TENM2: variants seen among roughly 807,000 people sequenced by gnomAD.
TENM2 encodes teneurin-2.
In TENM2, 52 loss-of-function variants were observed where a neutral mutation model predicts 245.2. The ratio of observed to expected loss-of-function variants is 0.21; its 90% CI spans 0.17 to 0.27. The LOEUF (loss-of-function observed/expected upper bound fraction) is 0.27, where lower values mean the gene tolerates loss of function less well. Among genes scored for constraint, TENM2 ranks in the 10% least tolerant of loss-of-function variants. The pLI is 1.00. For missense variants in TENM2, 3,046 were observed against 3,666.8 expected (o/e 0.83, Z 4.37); for synonymous variants, 1,363 against 1,438.9 (o/e 0.95, Z 1.19).
At chr5:167,822,463 T>C (rs1767610689) in intron 2 of TENM2, among the ~76,000 whole-genome samples, 1 of 152,232 alleles carries the variant, frequency 6.6e-6, no homozygotes, top group Non-Finnish European at 1.5e-5. Flanking sequence ...GTTAGAAGCC[T>C]GTGGTTCTTG....
At chr5:167,586,070 GC>G (rs1775468754) in intron 2 of TENM2, among the ~76,000 whole-genome samples, 1 of 152,102 alleles carries the variant, frequency 6.6e-6, no homozygotes, top group Admixed American at 6.5e-5. Flanking sequence ...GTTGCAGTGA[GC>G]ACCACTACAC....
intron 18 of TENM2, among the ~76,000 whole-genome samples, 170 bp from the exon 21 acceptor site, chr5:168,204,202 T>A (rs1455788793): frequency 6.6e-6 from 1 of 151,956 alleles, no homozygotes; most frequent in South Asian, 2.1e-4. Flanking sequence ...TGCCACAGCA[T>A]TTGGGGTCCA....
intron 14 of TENM2, among the ~76,000 whole-genome samples, chr5:168,192,367 T>C (rs1172052291): frequency 6.6e-6 from 1 of 152,142 alleles, no homozygotes; most frequent in Non-Finnish European, 1.5e-5. Context: ...ACCACCATCA[T>C]TCACCAGTCA....
At chr5:167,776,649 A>G (rs1052948547) in intron 2 of TENM2, among the ~76,000 whole-genome samples, 2 of 79,586 alleles carry the variant, frequency 2.5e-5, no homozygotes, top group African/African-American at 1.4e-4. Context: ...ATCTATATAT[A>G]TATATATATA....
At chr5:167,036,512 T>G in the TENM2 span, among the ~76,000 whole-genome samples, 3 of 152,248 alleles carry the variant, frequency 2.0e-5, no homozygotes, top group South Asian at 6.2e-4. Context: ...AATTATGTAA[T>G]ACTAATTTCT....
chr5:168,182,970 A>T (rs1431742513), intron 13 of TENM2, among the ~76,000 whole-genome samples: 2 of 151,728 alleles, frequency 1.3e-5, no homozygotes, highest in African/African-American at 4.8e-5. Flanking sequence ...AGCCAGAACC[A>T]CAAGTGCGCG....
chr5:167,322,762 A>G (rs966690851), intron 1 of TENM2, among the ~76,000 whole-genome samples: 4 of 152,212 alleles, frequency 2.6e-5, no homozygotes, highest in African/African-American at 9.6e-5. Context: ...ATTTGTTGAG[A>G]GAACCATTAA....
chr5:168,069,067 T>C (rs925311127), intron 7 of TENM2, among the ~76,000 whole-genome samples: 1 of 126,026 alleles, frequency 7.9e-6, no homozygotes, highest in Admixed American at 7.2e-5. Context: ...CTCTCCTTAT[T>C]TGAAAAAAAA....
chr5:167,820,390 A>G lies in TENM2; in HGVS notation c.503-55596A>G, dbSNP rs1011615660. ...TGTGCAGGCTTGCTGAGGAATGCTG[A>G]TGGAGAAAAAGCCAAACTGGGATCT... On this transcript the variant is annotated intron_variant, in intron 2 of 28. Coordinates refer to ENST00000518659, the Ensembl canonical transcript of TENM2. 5.3e-5 allele frequency among the ~76,000 whole-genome samples: 8 copies of G among 152,288 alleles called. No homozygotes were observed. In the East Asian group the frequency reaches 1.5e-3, roughly 29 times the overall value.
chr5:167,105,396 G>A, the TENM2 span, among the ~76,000 whole-genome samples: 88 of 152,132 alleles, frequency 5.8e-4, 1 homozygote, highest in African/African-American at 2.0e-3. Flanking sequence ...TCTGTGAATT[G>A]GTCCTTTGTC....
At chr5:167,247,165 T>C in the TENM2 span, among the ~76,000 whole-genome samples, 22 of 152,140 alleles carry the variant, frequency 1.4e-4, 2 homozygotes, top group Admixed American at 1.4e-3. Flanking sequence ...AAGAGCTAAA[T>C]GAATTCTGAT....
At chr5:167,339,516 CT>C (rs965529205) in intron 1 of TENM2, among the ~76,000 whole-genome samples, 26 of 147,802 alleles carry the variant, frequency 1.8e-4, no homozygotes, top group African/African-American at 4.2e-4. Context: ...TTCATTTATT[CT>C]TTTTTTTTTC....
chr5:167,673,691 G>A (rs1436628127), intron 2 of TENM2, among the ~76,000 whole-genome samples: 1 of 151,974 alleles, frequency 6.6e-6, no homozygotes, highest in Non-Finnish European at 1.5e-5. Flanking sequence ...GTCAAGTTTA[G>A]AGACCCCAAT....
intron 19 of TENM2, among the ~76,000 whole-genome samples, chr5:168,205,403 TG>T (rs1458433499): frequency 2.0e-5 from 3 of 151,930 alleles, no homozygotes; most frequent in African/African-American, 7.3e-5. Context: ...CAAAATCATG[TG>T]GGCAAATAAA....
chr5:167,110,252 AAC>A, the TENM2 span, among the ~76,000 whole-genome samples: 1 of 152,216 alleles, frequency 6.6e-6, no homozygotes, highest in Non-Finnish European at 1.5e-5. Flanking sequence ...GATAAAATAA[AAC>A]AGTTTTTGTT....
intron 2 of TENM2, among the ~76,000 whole-genome samples, chr5:167,572,875 T>C (rs1455113304): frequency 6.6e-6 from 1 of 152,226 alleles, no homozygotes; most frequent in Non-Finnish European, 1.5e-5. Context: ...GCAATCCTGT[T>C]GTCACATTTG....
intron 3 of TENM2, among the ~76,000 whole-genome samples, chr5:167,883,006 T>C (rs1475004587): frequency 2.6e-5 from 4 of 152,232 alleles, no homozygotes; most frequent in African/African-American, 9.6e-5. Flanking sequence ...CTCCTCTGTA[T>C]AGTGTGGATT....
At chr5:167,354,380 G>A (rs1160822857) in intron 1 of TENM2, among the ~76,000 whole-genome samples, 3 of 152,348 alleles carry the variant, frequency 2.0e-5, no homozygotes, top group African/African-American at 2.4e-5. Context: ...GATTTGAACA[G>A]TTGTTGGGAG....
the TENM2 span, among the ~76,000 whole-genome samples, chr5:167,239,578 A>G: frequency 6.6e-6 from 1 of 152,132 alleles, no homozygotes; most frequent in Non-Finnish European, 1.5e-5. Flanking sequence ...AATCACACCA[A>G]CGAGGTACCT....
Sources: allele counts gnomAD v4.1 joint callset (sites outside exome capture counted in the v4.1 genomes callset), GRCh38; gene constraint gnomAD v4.1.1; transcripts MANE v1.5; gene names NCBI Gene and HGNC (gene_info 2026-07-23, HGNC 2026-07-21).